Variants in SGCZ observed in about 807,000 individuals in gnomAD.
SGCZ encodes sarcoglycan zeta, also known as zeta-sarcoglycan.
A neutral mutation model predicts 41.3 loss-of-function variants in SGCZ; 40 were observed. The observed-to-expected ratio is 0.97, with a 90% CI of 0.75 to 1.26. SGCZ has a LOEUF of 1.26. Ranked by LOEUF, SGCZ falls within the 50% of genes most tolerant of loss-of-function variation. The pLI is 0.00. For synonymous variants in SGCZ, 206 were observed against 137.5 expected (o/e 1.50, Z -3.49); for missense variants, 552 against 369.8 (o/e 1.49, Z -4.04).
chr8:14,917,136 C>T (rs988058376), intron 1 of SGCZ, among the ~76,000 whole-genome samples: 2 of 152,032 alleles, frequency 1.3e-5, no homozygotes, highest in Admixed American at 6.6e-5. Context: ...ATATACATTG[C>T]CAGGTAAATT....
At chr8:14,560,956 A>G (rs1804190223) in intron 1 of SGCZ, among the ~76,000 whole-genome samples, 1 of 152,168 alleles carries the variant, frequency 6.6e-6, no homozygotes, top group African/African-American at 2.4e-5. Context: ...GTTTAACATT[A>G]TTATTTTATA....
At chr8:15,017,006 C>A (rs1367847462) in intron 1 of SGCZ, among the ~76,000 whole-genome samples, 1 of 152,120 alleles carries the variant, frequency 6.6e-6, no homozygotes, top group African/African-American at 2.4e-5. Context: ...CCCCCATGAC[C>A]CAAACACCTC....
intron 1 of SGCZ, among the ~76,000 whole-genome samples, chr8:14,994,630 C>A (rs371398344): frequency 6.6e-6 from 1 of 151,586 alleles, no homozygotes; most frequent in Admixed American, 6.6e-5. Context: ...GAGGGATGGA[C>A]TGCTCATGGT....
At chr8:14,297,363 A>G (rs998603698) in intron 3 of SGCZ, among the ~76,000 whole-genome samples, 2 of 152,144 alleles carry the variant, frequency 1.3e-5, no homozygotes, top group Non-Finnish European at 2.9e-5. Context: ...CTAGCAAAAA[A>G]GGGAGTAAAT....
chr8:15,056,064 G>C (rs530659402), intron 1 of SGCZ, among the ~76,000 whole-genome samples: 26 of 152,328 alleles, frequency 1.7e-4, no homozygotes, highest in African/African-American at 6.3e-4. Context: ...CATTTAAGCA[G>C]TTTGCTGTCC....
intron 1 of SGCZ, among the ~76,000 whole-genome samples, chr8:15,157,426 A>G (rs80168267): frequency 0.02 from 2,970 of 145,540 alleles, 84 homozygotes; most frequent in African/African-American, 0.068. Context: ...CTTAAGGGGG[A>G]AAAAAAAAAA....
intron 1 of SGCZ, among the ~76,000 whole-genome samples, chr8:14,708,610 C>T (rs1335222397): frequency 6.6e-6 from 1 of 151,940 alleles, no homozygotes; most frequent in Non-Finnish European, 1.5e-5. Flanking sequence ...AGGAATCAAA[C>T]AGAAAACTGG....
At chr8:15,235,272 G>A (rs543859271) in intron 1 of SGCZ, among the ~76,000 whole-genome samples, 1 of 152,262 alleles carries the variant, frequency 6.6e-6, no homozygotes, top group East Asian at 1.9e-4. Flanking sequence ...GGATTCCACA[G>A]CCTTCGTATT....
chr8:15,086,754 A>G (rs1394901139), intron 1 of SGCZ, among the ~76,000 whole-genome samples: 2 of 152,170 alleles, frequency 1.3e-5, no homozygotes, highest in African/African-American at 2.4e-5. Flanking sequence ...ATATTTTCAA[A>G]TATAAGGATT....
chr8:15,126,391 C>T (rs973224348), intron 1 of SGCZ, among the ~76,000 whole-genome samples: 2 of 151,946 alleles, frequency 1.3e-5, no homozygotes, highest in African/African-American at 4.8e-5. Flanking sequence ...TTAAAATAAG[C>T]TTCGGATTCA....
At position 14,554,861 on chromosome 8, in the gene SGCZ, T is replaced by C. The variant is rs138373417; in HGVS notation, c.105A>G (p.Gln35=). Reference sequence around the variant, plus strand: ...ATCCATAAATTCCCACTGGGTAAAGTTGTGCATTCTCAGTCCTTGGCAGGT... The same window carrying C: ...ATCCATAAATTCCCACTGGGTAAAGCTGTGCATTCTCAGTCCTTGGCAGGT... The part of the protein sequence containing the change: ...QNNLPRTENA[Q]LYPVGIYGWR... The change falls in exon 2 of 8, where the codon CAA becomes CAG. Residue 35 remains glutamine (Q), a synonymous_variant. Transcript: ENST00000382080. 37 of 1,613,186 alleles carry C rather than the reference T, an allele frequency of 2.3e-5. No individual in the cohort carries two copies. The African/African-American group carries it at 3.7e-4, about 16-fold the overall frequency.
At chr8:14,560,898 T>C (rs937954746) in intron 1 of SGCZ, among the ~76,000 whole-genome samples, 2 of 152,132 alleles carry the variant, frequency 1.3e-5, no homozygotes, top group African/African-American at 2.4e-5. Context: ...ATTAAAGCTA[T>C]GTTTATCTCC....
chr8:15,097,777 TATAC>T (rs1254652692), intron 1 of SGCZ, among the ~76,000 whole-genome samples: 1 of 141,896 alleles, frequency 7.0e-6, no homozygotes, highest in Non-Finnish European at 1.5e-5. Context: ...TATATATATA[TATAC>T]GTGTATATAT....
chr8:14,149,996 CT>C (rs1803649671), intron 5 of SGCZ, among the ~76,000 whole-genome samples: 1 of 152,086 alleles, frequency 6.6e-6, no homozygotes, highest in Non-Finnish European at 1.5e-5. Flanking sequence ...GACTAGACCC[CT>C]ATCTCTTGCC....
At chr8:14,469,942 G>T (rs1801167362) in intron 2 of SGCZ, among the ~76,000 whole-genome samples, 1 of 152,090 alleles carries the variant, frequency 6.6e-6, no homozygotes, top group Non-Finnish European at 1.5e-5. Context: ...CAGTAAATGT[G>T]TTTATCTGAG....
intron 1 of SGCZ, among the ~76,000 whole-genome samples, chr8:14,650,674 A>T (rs1277097558): frequency 2.0e-5 from 3 of 152,084 alleles, no homozygotes; most frequent in Non-Finnish European, 2.9e-5. Flanking sequence ...GAGAGTGATT[A>T]GTAAAACTAT....
intron 1 of SGCZ, among the ~76,000 whole-genome samples, chr8:15,226,571 C>T (rs942002633): frequency 6.6e-6 from 1 of 151,796 alleles, no homozygotes. Flanking sequence ...CTCTAAATCC[C>T]TCTGCATCCA....
intron 2 of SGCZ, among the ~76,000 whole-genome samples, chr8:14,482,799 T>C (rs1251633734): frequency 6.6e-6 from 1 of 151,780 alleles, no homozygotes; most frequent in Admixed American, 6.6e-5. Context: ...AGGGGAGACA[T>C]TGATTGTCTC....
chr8:14,204,612 T>A (rs1426944025), intron 4 of SGCZ, among the ~76,000 whole-genome samples: 1 of 152,170 alleles, frequency 6.6e-6, no homozygotes, highest in African/African-American at 2.4e-5. Flanking sequence ...AGATTGTGTA[T>A]GAGTCTTTGA....
Sources: allele counts gnomAD v4.1 joint callset (sites outside exome capture counted in the v4.1 genomes callset), GRCh38; gene constraint gnomAD v4.1.1; transcripts MANE v1.5; gene names NCBI Gene and HGNC (gene_info 2026-07-23, HGNC 2026-07-21).